Variants in ZFHX4 observed in about 807,000 individuals in gnomAD.
ZFHX4 encodes zinc finger homeobox protein 4.
ZFHX4 carries 56 observed loss-of-function variants against 267.6 expected under a neutral mutation model. That is an observed-to-expected ratio of 0.21 (90% CI 0.17 to 0.26). ZFHX4 has a LOEUF of 0.26. ZFHX4 is among the 10% of genes least tolerant of loss of function. The pLI, the probability that ZFHX4 is intolerant of heterozygous loss-of-function variation, is 1.00. For synonymous variants in ZFHX4, 1,778 were observed against 1,665.6 expected (o/e 1.07, Z -1.64); for missense variants, 4,332 against 4,420.0 (o/e 0.98, Z 0.56).
Position 76,854,907 on chromosome 8 carries a change from AG to A in ZFHX4, c.7988del (p.Gly2663AlafsTer28). The A allele has an allele frequency of 1.2e-6, 2 of 1,613,426 alleles. No homozygotes were observed. Among genetic ancestry groups the A allele is most frequent in the Non-Finnish European group, 1.7e-6 (2 of 1,179,474 alleles). The part of the protein sequence containing the change: ...FQNTRARERK[G>X]QFRAVGPAQS... ...AGAATACACGAGCGCGGGAGAGGAA[AG>A]GCCAGTTCCGGGCGGTGGGTCCAGC... On this transcript the variant is annotated frameshift_variant, in exon 10 of 11. Transcript: ENST00000651372. LOFTEE classifies it high-confidence loss of function.
In ZFHX4 at chr8:76,704,047, C is replaced by G; in HGVS notation, c.-42C>G. 3 of 1,542,078 alleles carry G rather than the reference C, an allele frequency of 1.9e-6. No individual in the cohort carries two copies. The highest frequency in any genetic ancestry group is 2.6e-6 in the Non-Finnish European group (3 of 1,146,476). ...CTCACCTTATTTTTTATCCAGGTCC[C>G]TGACAGGCTGGATGAAATGAGATCC... On this transcript the variant is annotated 5_prime_UTR_variant, in exon 2 of 11. Transcript: ENST00000651372.
chr8:76,799,582 A>G (rs1461370138), intron 4 of ZFHX4, among the ~76,000 whole-genome samples: 1 of 152,182 alleles, frequency 6.6e-6, no homozygotes, highest in Admixed American at 6.5e-5. Flanking sequence ...CAGTTTCCAT[A>G]ACTAAATAAA....
At chr8:76,695,644 C>A (rs1365601270) in intron 1 of ZFHX4, among the ~76,000 whole-genome samples, 1 of 152,190 alleles carries the variant, frequency 6.6e-6, no homozygotes, top group Non-Finnish European at 1.5e-5. Flanking sequence ...CCAATACTAG[C>A]AGATTTATTT....
Position 76,851,196 on chromosome 8 carries a change from A to G in ZFHX4, c.4275A>G (p.Thr1425=). The G allele has an allele frequency of 1.2e-6, 2 of 1,613,932 alleles. No individual in the cohort carries two copies. The highest frequency in any genetic ancestry group is 1.7e-6 in the Non-Finnish European group (2 of 1,179,870). Residue 1425 remains threonine, a synonymous_variant, in exon 10 of 11, where the codon ACA becomes ACG. Coordinates refer to ENST00000651372, the MANE Select transcript of ZFHX4 (RefSeq NM_024721.5). The stretch of plus-strand genomic sequence containing the variant: ...AGTATCATGCAATTCGGGCTGCGAC[A>G]ATGTGTAACCTCTGCCAGCGCAGTT... The part of the protein sequence containing the change: ...HSQYHAIRAA[T]MCNLCQRSFR...
At chr8:76,785,742 G>A (rs1169775970) in intron 4 of ZFHX4, among the ~76,000 whole-genome samples, 1 of 152,192 alleles carries the variant, frequency 6.6e-6, no homozygotes, top group African/African-American at 2.4e-5. Context: ...TAGATGCCAA[G>A]TGAGGTGGAG....
chr8:76,684,524 A>G (rs1807642342), intron 1 of ZFHX4, among the ~76,000 whole-genome samples: 1 of 152,182 alleles, frequency 6.6e-6, no homozygotes, highest in South Asian at 2.1e-4. Context: ...AGGTGTTTTC[A>G]TGTTTATGGC....
chr8:76,752,188 T>C (rs556780231), intron 3 of ZFHX4, among the ~76,000 whole-genome samples: 1 of 152,248 alleles, frequency 6.6e-6, no homozygotes, highest in East Asian at 1.9e-4. Context: ...AGAGTTTTGA[T>C]AATGGTATTT....
intron 3 of ZFHX4, among the ~76,000 whole-genome samples, chr8:76,736,667 C>A (rs1338356180): frequency 6.6e-6 from 1 of 152,104 alleles, no homozygotes; most frequent in South Asian, 2.1e-4. Context: ...CAGATAATTT[C>A]TAGCCATTGA....
intron 3 of ZFHX4, among the ~76,000 whole-genome samples, chr8:76,744,590 T>C (rs1809407465): frequency 1.3e-5 from 2 of 151,862 alleles, no homozygotes; most frequent in Non-Finnish European, 2.9e-5. Context: ...TTTTTGTATT[T>C]TTCGTAGAGA....
At chr8:76,825,834 A>C (rs1416552839) in intron 4 of ZFHX4, among the ~76,000 whole-genome samples, 2 of 152,236 alleles carry the variant, frequency 1.3e-5, no homozygotes, top group African/African-American at 4.8e-5. Flanking sequence ...AAAACAGTGC[A>C]GCCTTAGAGG....
At position 76,842,649 on chromosome 8, in the gene ZFHX4, T is replaced by C; in HGVS notation, c.3395-6T>C. The C allele has an allele frequency of 1.3e-6, 2 of 1,548,140 alleles. No individual in the cohort carries two copies. Among genetic ancestry groups the C allele is most frequent in the Non-Finnish European group, 1.7e-6 (2 of 1,144,616 alleles). Reference sequence around the variant, plus strand: ...GTTCTACTGATTGGTCTGCCTTTCTTAACAGAAGAACAAAGTGAGGAGGCA... The same window carrying C: ...GTTCTACTGATTGGTCTGCCTTTCTCAACAGAAGAACAAAGTGAGGAGGCA... On this transcript the variant is annotated splice_region_variant and splice_polypyrimidine_tract_variant and intron_variant, in intron 5 of 10. Transcript: ENST00000651372.
chr8:76,837,804 A>T (rs933735836), intron 5 of ZFHX4, among the ~76,000 whole-genome samples: 5 of 152,248 alleles, frequency 3.3e-5, no homozygotes, highest in Non-Finnish European at 7.3e-5. Flanking sequence ...GAATGGTTTA[A>T]CATCAATATA....
chr8:76,803,692 C>T (rs1171018778), intron 4 of ZFHX4, among the ~76,000 whole-genome samples: 2 of 151,918 alleles, frequency 1.3e-5, no homozygotes, highest in African/African-American at 4.8e-5. Context: ...ATATAAGCCA[C>T]CAATTTTACA....
chr8:76,726,538 G>C (rs77449065), intron 3 of ZFHX4, among the ~76,000 whole-genome samples: 1,541 of 152,182 alleles, frequency 0.01, 9 homozygotes, highest in Non-Finnish European at 0.016. Flanking sequence ...TAGTAATGCA[G>C]TTATTACTGT....
intron 2 of ZFHX4, among the ~76,000 whole-genome samples, chr8:76,707,125 C>A (rs148170347): frequency 1.2e-3 from 178 of 152,194 alleles, no homozygotes; most frequent in African/African-American, 4.2e-3. Flanking sequence ...AACAATAATA[C>A]CATTACCTTA....
At chr8:76,712,232 G>C (rs145411369) in intron 3 of ZFHX4, among the ~76,000 whole-genome samples, 1 of 152,012 alleles carries the variant, frequency 6.6e-6, no homozygotes, top group Non-Finnish European at 1.5e-5. Context: ...CATTTTTTGG[G>C]TTTTTCTCAT....
chr8:76,861,216 C>T (rs922937), intron 10 of ZFHX4, among the ~76,000 whole-genome samples: 67,095 of 142,906 alleles, frequency 0.47, 17,748 homozygotes, highest in African/African-American at 0.76. Context: ...GGAAATATAA[C>T]ATTATTTTCC....
chr8:76,725,465 G>C (rs1808827533), intron 3 of ZFHX4, among the ~76,000 whole-genome samples: 1 of 152,040 alleles, frequency 6.6e-6, no homozygotes, highest in Non-Finnish European at 1.5e-5. Context: ...TGGCAATACA[G>C]CTTATGTTTC....
intron 4 of ZFHX4, among the ~76,000 whole-genome samples, chr8:76,822,539 A>G (rs544634379): frequency 6.7e-6 from 1 of 149,752 alleles, no homozygotes; most frequent in South Asian, 2.1e-4. Context: ...CCTGGGCTCA[A>G]GTGATCCTCC....
Sources: gnomAD v4.1 joint callset for allele counts (sites outside exome capture counted in the v4.1 genomes callset) on GRCh38, gnomAD v4.1.1 for gene constraint, MANE v1.5 for transcripts, NCBI Gene and HGNC (gene_info 2026-07-23, HGNC 2026-07-21) for gene names.